ARSF: variants seen among roughly 807,000 people sequenced by gnomAD.
ARSF encodes the protein arylsulfatase F.
A neutral mutation model predicts 35.4 loss-of-function variants in ARSF; 33 were observed. The ratio of observed to expected loss-of-function variants is 0.93; its 90% CI spans 0.71 to 1.25. ARSF has a LOEUF of 1.25. Among genes scored for constraint, ARSF ranks in the 50% most tolerant of loss-of-function variants. ARSF has a pLI of 0.00. For synonymous variants in ARSF, 222 were observed against 193.1 expected (o/e 1.15, Z -1.24); for missense variants, 501 against 480.2 (o/e 1.04, Z -0.40).
chrX:3,093,003 T>A (rs757481861), intron 7 of ARSF, among the ~76,000 whole-genome samples: 1 of 109,940 alleles, frequency 9.1e-6, no homozygotes, highest in Non-Finnish European at 1.9e-5. Flanking sequence ...AAACCCCGTC[T>A]CTACTAAATA....
chrX:3,075,017 G>A (rs1378433890), intron 3 of ARSF, among the ~76,000 whole-genome samples: 1 of 111,808 alleles, frequency 8.9e-6, no homozygotes, highest in Admixed American at 9.6e-5. Flanking sequence ...GTCGAAAATG[G>A]TGGGATTTCC....
intron 1 of ARSF, 51 bp downstream of exon 1, chrX:3,041,714 G>T (rs1379440693): frequency 8.9e-6 from 1 of 112,060 alleles, no homozygotes; most frequent in East Asian, 2.8e-4. Flanking sequence ...AAAGCTATAG[G>T]ATCTTTGTGT....
rs554437250 is a variant in ARSF, at chrX:3,093,120, G to C, written c.967+3488G>C. On this transcript the variant is annotated intron_variant, in intron 7 of 10. Transcript: ENST00000381127. ...GGCAGAGCTTGCAGTGGCCGAGATC[G>C]CGCCACTGCACTCCAGCCTGGGCAA... Among the ~76,000 whole-genome samples the C allele has an allele frequency of 4.3e-4, 48 of 111,435 alleles. 2 individuals carry two copies. The South Asian group carries it at 0.012, about 28-fold the overall frequency.
intron 6 of ARSF, among the ~76,000 whole-genome samples, chrX:3,088,588 G>A (rs1280676462): frequency 9.4e-6 from 1 of 106,451 alleles, no homozygotes; most frequent in Non-Finnish European, 1.9e-5. Flanking sequence ...TTGAGACTGA[G>A]TATCACTCTG....
chrX:3,098,457 TG>T (rs1311330024), intron 7 of ARSF, among the ~76,000 whole-genome samples: 1 of 111,257 alleles, frequency 9.0e-6, no homozygotes, highest in Non-Finnish European at 1.9e-5. Context: ...CCACATGTTG[TG>T]GGGGGGACCT....
intron 7 of ARSF, among the ~76,000 whole-genome samples, chrX:3,098,656 C>T (rs765719370): frequency 1.8e-5 from 2 of 111,243 alleles, no homozygotes; most frequent in Non-Finnish European, 3.8e-5. Flanking sequence ...TCTCCAGCCA[C>T]GTAGAACTGT....
intron 10 of ARSF, 81 bp downstream of exon 10, chrX:3,110,333 C>T: frequency 1.1e-6 from 1 of 939,915 alleles, no homozygotes. Flanking sequence ...TCTTCCTTTC[C>T]TCTCTAGACC....
At chrX:3,055,734 G>A (rs1040809041) in intron 1 of ARSF, among the ~76,000 whole-genome samples, 1 of 110,928 alleles carries the variant, frequency 9.0e-6, no homozygotes, top group Admixed American at 9.7e-5. Context: ...AATTCTGAGG[G>A]TCTGTCGTTG....
intron 7 of ARSF, among the ~76,000 whole-genome samples, chrX:3,096,679 C>A (rs759965836): frequency 3.6e-5 from 4 of 111,672 alleles, no homozygotes; most frequent in Non-Finnish European, 7.5e-5. Flanking sequence ...ACTTTTAGAT[C>A]AATGAAGCAG....
chrX:3,069,784 TATAA>T (rs1410723247), intron 2 of ARSF, among the ~76,000 whole-genome samples: 1 of 110,281 alleles, frequency 9.1e-6, no homozygotes, highest in East Asian at 2.8e-4. Context: ...AAAGCTGACA[TATAA>T]ACATTGCATA....
intron 1 of ARSF, among the ~76,000 whole-genome samples, chrX:3,047,780 T>C (rs1275552748): frequency 9.0e-6 from 1 of 110,813 alleles, no homozygotes; most frequent in Non-Finnish European, 1.9e-5. Context: ...GACCGGGATA[T>C]TCACCAGCTG....
Position 3,110,136 on chromosome X carries a change from A to G in ARSF, c.1274A>G (p.Asp425Gly), listed in dbSNP as rs897471326. 2 of 1,183,761 alleles carry G rather than the reference A, an allele frequency of 1.7e-6. No homozygotes were observed. The highest frequency in any genetic ancestry group is 1.9e-5 in the South Asian group (1 of 51,860). Residue 425 changes from aspartate (D) to glycine (G), a missense_variant, in exon 10 of 11, where the codon GAC (aspartate) becomes GGC (glycine). Transcript: ENST00000381127. Reference sequence around the variant, plus strand: ...TGTCTGTGTCTCTGCAGGGTCATTGACGGCCGAGACCTCATGCCCTTGCTG... The same window carrying G: ...TGTCTGTGTCTCTGCAGGGTCATTGGCGGCCGAGACCTCATGCCCTTGCTG... ...GGSLPQDRVI[D>G]GRDLMPLLQG... is the part of the protein sequence containing the mutation.
chrX:3,070,296 A>G (rs1416463463), intron 2 of ARSF, among the ~76,000 whole-genome samples: 3 of 111,749 alleles, frequency 2.7e-5, no homozygotes, highest in Non-Finnish European at 5.6e-5. Context: ...CATTCATGCA[A>G]TGATGGACAC....
At chrX:3,041,955 T>C (rs2089957431) in intron 1 of ARSF, among the ~76,000 whole-genome samples, 1 of 112,224 alleles carries the variant, frequency 8.9e-6, no homozygotes, top group South Asian at 3.6e-4. Flanking sequence ...ATCTTAAAAA[T>C]TGTCAGCATA....
chrX:3,080,199 A>C (rs760973461), intron 4 of ARSF, among the ~76,000 whole-genome samples: 1 of 88,309 alleles, frequency 1.1e-5, no homozygotes, highest in Non-Finnish European at 2.3e-5. Context: ...TTTTTGGCTG[A>C]GTGCAGTGGC....
At chrX:3,075,947 GTCTC>G (rs2090144944) in intron 3 of ARSF, among the ~76,000 whole-genome samples, 1 of 97,023 alleles carries the variant, frequency 1.0e-5, no homozygotes, top group Non-Finnish European at 2.1e-5. Context: ...CTCCCTGTTT[GTCTC>G]TCTCTGTTTT....
At chrX:3,092,069 CAGATGAT>C (rs1383801400) in intron 7 of ARSF, among the ~76,000 whole-genome samples, 2 of 110,078 alleles carry the variant, frequency 1.8e-5, no homozygotes, top group African/African-American at 6.6e-5. Context: ...ATACATATGA[CAGATGAT>C]AGATGACAGA....
At chrX:3,081,115 G>T in intron 5 of ARSF, 102 bp downstream of exon 5, 1 of 1,063,410 alleles carries the variant, frequency 9.4e-7, no homozygotes. Flanking sequence ...ATTTTACAAT[G>T]TCTTATGTAA....
At chrX:3,071,405 G>A (rs749017240) in intron 2 of ARSF, among the ~76,000 whole-genome samples, 1 of 110,750 alleles carries the variant, frequency 9.0e-6, no homozygotes, top group Non-Finnish European at 1.9e-5. Flanking sequence ...CCGGGTTCAA[G>A]TGATTCTCCT....
Sources: gnomAD v4.1 joint callset for allele counts (sites outside exome capture counted in the v4.1 genomes callset) on GRCh38, gnomAD v4.1.1 for gene constraint, MANE v1.5 for transcripts, NCBI Gene and HGNC (gene_info 2026-07-23, HGNC 2026-07-21) for gene names.